Variants in ZFTA observed in about 807,000 individuals in gnomAD.
ZFTA encodes the protein zinc finger translocation-associated protein.
A neutral mutation model predicts 41.8 loss-of-function variants in ZFTA; 35 were observed. The ratio of observed to expected loss-of-function variants is 0.84; its 90% CI spans 0.64 to 1.11. The LOEUF (loss-of-function observed/expected upper bound fraction) is 1.11, where lower values mean the gene tolerates loss of function less well. Among genes scored for constraint, ZFTA ranks in the 50% most tolerant of loss-of-function variants. The pLI is 0.00. For synonymous variants in ZFTA, 514 were observed against 436.4 expected (o/e 1.18, Z -2.22); for missense variants, 964 against 989.8 (o/e 0.97, Z 0.35).
chr11:63,764,242 G>A lies in ZFTA; in HGVS notation c.1381C>T (p.Arg461Cys). Residue 461 changes from arginine (R) to cysteine (C), a missense_variant, in exon 4 of 5, where the codon CGC becomes TGC. By Grantham distance (180) the Arg-to-Cys change is radical. Around this residue, in one of 5 missense-constraint regions of ZFTA, gnomAD observed 584 missense variants for 523.1 expected, o/e 1.12. Transcript: ENST00000433688. ...MSTIERHIRR[R>C]HPGSTRLGGP... The stretch of plus-strand genomic sequence containing the variant: ...CCGAGGCGCGTGGAGCCCGGGTGGC[G>A]CCGGCGGATGTGGCGCTCGATGGTG... 2.1e-6 allele frequency: 3 copies of A among 1,449,846 alleles called. No homozygotes were observed. The highest frequency in any genetic ancestry group is 1.3e-5 in the South Asian group (1 of 74,230). 89.8% of individuals were successfully genotyped at this position (1,449,846 alleles called of 1,614,324 possible). A position where few individuals can be genotyped will look rare whatever the true frequency, so the allele number is the denominator to read the frequency against.
chr11:63,764,945 C>T lies in ZFTA; in HGVS notation c.947G>A (p.Gly316Asp), dbSNP rs752284867. ...CTGCAGCAGGGCACTGCGCTGGGGGCCGCTGAGCCCCAGGGAGCCAGGGTG... is the reference window on the plus strand; with the variant it reads ...CTGCAGCAGGGCACTGCGCTGGGGGTCGCTGAGCCCCAGGGAGCCAGGGTG... ...EVHPGSLGLS[G>D]PQRSALLQAW... is the part of the protein sequence containing the mutation. The change falls in exon 3 of 5, where the codon GGC becomes GAC. Residue 316 changes from glycine to aspartate, a missense_variant. Transcript: ENST00000433688. The T allele has an allele frequency of 6.5e-7, 1 of 1,547,438 alleles. No individual in the cohort carries two copies. Among genetic ancestry groups the T allele is most frequent in the South Asian group, 1.2e-5 (1 of 83,902 alleles).
intron 3 of ZFTA, 38 bp from the exon 4 acceptor site, chr11:63,764,636 C>T (rs1224749850): frequency 7.9e-7 from 1 of 1,263,718 alleles, no homozygotes; most frequent in Non-Finnish European, 1.0e-6. Flanking sequence ...GCTCAGCCTG[C>T]TGGCTGGGTT....
rs1274071919 is a variant in ZFTA at position 63,760,675 on chromosome 11, C to T, written c.*2743G>A. 1 of 152,232 alleles carries T rather than the reference C, an allele frequency of 6.6e-6. No homozygotes were observed. Among genetic ancestry groups the T allele is most frequent in the Non-Finnish European group, 1.5e-5 (1 of 68,046 alleles). The allele number at this position is 152,232 out of a possible 1,614,324, so 9.4% of individuals were successfully genotyped here. A position where few individuals can be genotyped will look rare whatever the true frequency, so the allele number is the denominator to read the frequency against. The stretch of plus-strand genomic sequence containing the variant: ...CAACGTCTAACCTGTGAGGCCATAA[C>T]TTCCATCAAAGCAGGAATCAATGGA... On this transcript the variant is annotated 3_prime_UTR_variant, in exon 5 of 5. Coordinates refer to ENST00000433688, the MANE Select transcript of ZFTA (RefSeq NM_001144936.2).
chr11:63,765,832 G>A lies in ZFTA; in HGVS notation c.612C>T (p.Val204=), dbSNP rs779650282. 16 of 1,490,242 alleles carry A rather than the reference G, an allele frequency of 1.1e-5. No homozygotes were observed. The highest frequency in any genetic ancestry group is 1.4e-5 in the South Asian group (1 of 73,854). 92.3% of individuals were successfully genotyped at this position (1,490,242 alleles called of 1,614,324 possible). A position where few individuals can be genotyped will look rare whatever the true frequency, so the allele number is the denominator to read the frequency against. ...EEEEEEEGAG[V]PACPPKGPGK... is the part of the protein sequence containing the mutation. ...CTGGGCCCTTGGGCGGGCAAGCTGG[G>A]ACACCGGCCCCCTCCTCCTCCTCCT... Residue 204 remains valine (V), a synonymous_variant, in exon 2 of 5, where the codon GTC becomes GTT. Transcript: ENST00000433688. The surrounding 1 kb of genome is among the most constrained non-coding windows in gnomAD (Gnocchi z 4.0).
At position 63,764,086 on chromosome 11, in the gene ZFTA, C is replaced by G; in HGVS notation, c.1537G>C (p.Gly513Arg). ...PPGTAAASDE[G>R]GGDEEEEPEE... ...GGCTCCTCCTCCTCGTCCCCTCCCC[C>G]CTCGTCGGAGGCTGCGGCAGTGCCG... Residue 513 changes from glycine to arginine, a missense_variant, in exon 4 of 5, where the codon GGG becomes CGG. Physicochemically the swap from Gly to Arg is moderately radical, Grantham distance 125. Transcript: ENST00000433688. 8.2e-6 allele frequency: 11 copies of G among 1,347,940 alleles called. No individual in the cohort carries two copies. Among genetic ancestry groups the G allele is most frequent in the Non-Finnish European group, 8.5e-6 (9 of 1,055,080 alleles). 83.5% of individuals were successfully genotyped at this position (1,347,940 alleles called of 1,614,324 possible).
chr11:63,766,904 G>T (rs916900845), intron 1 of ZFTA, among the ~76,000 whole-genome samples: 2 of 152,240 alleles, frequency 1.3e-5, no homozygotes, highest in African/African-American at 2.4e-5. Context: ...CCAAGACAAA[G>T]CTGCCAACAT....
Position 63,764,755 on chromosome 11 carries a change from C to T in ZFTA, c.1024+113G>A. On this transcript the variant is annotated intron_variant, in intron 3 of 4. Transcript: ENST00000433688. ...AGGGGGAAAGTATGTGTGTGGAGCA[C>T]CAGCTCCTGGCCTTCAGCCCTCAGC... 2.9e-6 allele frequency: 4 copies of T among 1,388,084 alleles called. No individual in the cohort carries two copies. In the Middle Eastern group the frequency reaches 7.7e-4, roughly 268 times the overall value. The allele number at this position is 1,388,084 out of a possible 1,614,324, so 86.0% of individuals were successfully genotyped here.
chr11:63,768,519 G>A lies in ZFTA; in HGVS notation c.104C>T (p.Ser35Leu). 8.3e-7 allele frequency: 1 copy of A among 1,199,850 alleles called. No individual in the cohort carries two copies. The highest frequency in any genetic ancestry group is 1.0e-6 in the Non-Finnish European group (1 of 954,852). The allele number at this position is 1,199,850 out of a possible 1,614,324, so 74.3% of individuals were successfully genotyped here. Residue 35 changes from serine (S) to leucine (L), a missense_variant, in exon 1 of 5, where the codon TCG becomes TTG. This residue lies in a region of ZFTA where 111 missense variants were observed against 93.2 expected (regional missense o/e 1.19). Transcript: ENST00000433688. ...TTCCTCTGGCTCCGCGCTGCCGCTCGATCCGGCGGGCGGCAGCCGTCGGCC... is the reference window on the plus strand; with the variant it reads ...TTCCTCTGGCTCCGCGCTGCCGCTCAATCCGGCGGGCGGCAGCCGTCGGCC... Reference protein sequence around the residue: ...ARGRRLPPAGSSGSAEPEEDE... With the variant: ...ARGRRLPPAGLSGSAEPEEDE...
At position 63,768,624 on chromosome 11, in the gene ZFTA, C is replaced by A. The variant is rs1444749087; in HGVS notation, c.-2G>T. On this transcript the variant is annotated 5_prime_UTR_variant, in exon 1 of 5. Transcript: ENST00000433688. ...CCGGTGGTCCCCGCCGGGCTCCATG[C>A]GCTGCGCTGCGGAGCGGGGCCCCGG... is the stretch of plus-strand genomic sequence containing the variant. The A allele has an allele frequency of 8.1e-6, 8 of 992,008 alleles. No homozygotes were observed. In the Admixed American group the frequency reaches 3.1e-4, roughly 39 times the overall value. 61.5% of individuals were successfully genotyped at this position (992,008 alleles called of 1,614,324 possible).
chr11:63,768,448 G>T (rs1351645685), intron 1 of ZFTA, 36 bp downstream of exon 1: 2 of 1,090,082 alleles, frequency 1.8e-6, no homozygotes, highest in Non-Finnish European at 2.2e-6. Flanking sequence ...CCCCCACGCC[G>T]GGGCCCCCGC....
Position 63,761,539 on chromosome 11 carries a change from C to G in ZFTA, c.*1879G>C, listed in dbSNP as rs535416947. The stretch of plus-strand genomic sequence containing the variant: ...CTGACAAATTTTAATAACTGACCAG[C>G]GAATTGGGAAGCAGTGTGGCATCGT... On this transcript the variant is annotated 3_prime_UTR_variant, in exon 5 of 5. Transcript: ENST00000433688. 5.8e-4 allele frequency: 88 copies of G among 152,276 alleles called. No homozygotes were observed. Among genetic ancestry groups the G allele is most frequent in the African/African-American group, 2.1e-3 (86 of 41,524 alleles). The allele number at this position is 152,276 out of a possible 1,614,324, so 9.4% of individuals were successfully genotyped here.
In ZFTA at chr11:63,768,562, C is replaced by T; in HGVS notation, c.61G>A (p.Ala21Thr). The T allele has an allele frequency of 1.8e-6, 2 of 1,095,520 alleles. No individual in the cohort carries two copies. The highest frequency in any genetic ancestry group is 3.1e-5 in the South Asian group (1 of 32,406). The allele number at this position is 1,095,520 out of a possible 1,614,324, so 67.9% of individuals were successfully genotyped here. ...CGTCGGCCCCGTGCCGAGGCCACTG[C>T]TGGCCCGGGGCCGCCCCTGCCGCCG... ...SSGGRGGPGP[A>T]VASARGRRLP... The change falls in exon 1 of 5, where the codon GCA (alanine) becomes ACA (threonine). Residue 21 changes from alanine (A) to threonine (T), a missense_variant. Transcript: ENST00000433688.
intron 4 of ZFTA, 81 bp from the exon 5 acceptor site, chr11:63,763,950 C>T: frequency 2.2e-6 from 3 of 1,354,538 alleles, no homozygotes; most frequent in Non-Finnish European, 1.9e-6. Context: ...GTCACCCCAT[C>T]TTTGCCCTTC....
Position 63,764,535 on chromosome 11 carries a change from G to T in ZFTA, c.1088C>A (p.Ala363Asp). 1 of 1,256,650 alleles carries T rather than the reference G, an allele frequency of 8.0e-7. No individual in the cohort carries two copies. The highest frequency in any genetic ancestry group is 1.0e-6 in the Non-Finnish European group (1 of 995,312). The allele number at this position is 1,256,650 out of a possible 1,614,324, so 77.8% of individuals were successfully genotyped here. The stretch of plus-strand genomic sequence containing the variant: ...GGGGCTGAGATCCTGAGAGGAGGGG[G>T]CTCCAGCAGCGGAGGCCGAGTCCCG... ...KSRDSASAAG[A>D]PSSQDLSPPD... Residue 363 changes from alanine to aspartate, a missense_variant, in exon 4 of 5, where the codon GCC (alanine) becomes GAC (aspartate). Physicochemically the swap from Ala to Asp is moderately radical, Grantham distance 126 (BLOSUM62 -2). Transcript: ENST00000433688.
intron 4 of ZFTA, 53 bp downstream of exon 4, chr11:63,763,985 C>A: frequency 1.5e-6 from 2 of 1,302,514 alleles, no homozygotes; most frequent in Non-Finnish European, 2.0e-6. Flanking sequence ...GTCCCTTCTG[C>A]CCCAGCAACT....
chr11:63,764,152 C>A lies in ZFTA; in HGVS notation c.1471G>T (p.Gly491Trp). 7.4e-7 allele frequency: 1 copy of A among 1,359,664 alleles called. No individual in the cohort carries two copies. The highest frequency in any genetic ancestry group is 9.4e-7 in the Non-Finnish European group (1 of 1,063,058). The allele number at this position is 1,359,664 out of a possible 1,614,324, so 84.2% of individuals were successfully genotyped here. ...TGGGGGGACTCGGGGCGGGGCGGCCCCAGGGCCAGCAGGTGGGCGGCCTTC... is the reference window on the plus strand; with the variant it reads ...TGGGGGGACTCGGGGCGGGGCGGCCACAGGGCCAGCAGGTGGGCGGCCTTC... ...SEKAAHLLALGPPRPESPQGP... is the reference protein window; with the variant it reads ...SEKAAHLLALWPPRPESPQGP... The change falls in exon 4 of 5, where the codon GGG (glycine) becomes TGG (tryptophan). Residue 491 changes from glycine to tryptophan, a missense_variant. Physicochemically the swap from Gly to Trp is radical, Grantham distance 184. Around this residue, in one of 5 missense-constraint regions of ZFTA, gnomAD observed 584 missense variants for 523.1 expected, o/e 1.12. Coordinates refer to ENST00000433688, the MANE Select transcript of ZFTA (RefSeq NM_001144936.2).
rs965832333 is a variant in ZFTA, at chr11:63,760,721, C to T, written c.*2697G>A. The T allele has an allele frequency of 6.6e-6, 1 of 152,260 alleles. No individual in the cohort carries two copies. Among genetic ancestry groups the T allele is most frequent in the Non-Finnish European group, 1.5e-5 (1 of 68,068 alleles). The allele number at this position is 152,260 out of a possible 1,614,324, so 9.4% of individuals were successfully genotyped here. A position where few individuals can be genotyped will look rare whatever the true frequency, so the allele number is the denominator to read the frequency against. On this transcript the variant is annotated 3_prime_UTR_variant, in exon 5 of 5. Transcript: ENST00000433688. ...ATGGAATCACTACCGCAGCCCTTCC[C>T]TTTCACTGGTGCCCGGCACTTCAGC... is the stretch of plus-strand genomic sequence containing the variant.
chr11:63,765,960 C>T lies in ZFTA; in HGVS notation c.484G>A (p.Val162Ile), dbSNP rs2135096334. The T allele has an allele frequency of 6.4e-7, 1 of 1,551,736 alleles. No individual in the cohort carries two copies. The highest frequency in any genetic ancestry group is 1.2e-5 in the South Asian group (1 of 84,064). ...SLHWSPREKE[V>I]ISNSWDAHLG... ...TGTGCATCCCAGCTGTTGCTGATGA[C>T]TTCCTTCTCCCGGGGACTCCAATGC... The change falls in exon 2 of 5, where the codon GTC (valine) becomes ATC (isoleucine). Residue 162 changes from valine to isoleucine, a missense_variant. Physicochemically the swap from Val to Ile is conservative, Grantham distance 29. Transcript: ENST00000433688. The surrounding 1 kb of genome is among the most constrained non-coding windows in gnomAD (Gnocchi z 4.0).
rs1287700172 is a variant in ZFTA at position 63,765,856 on chromosome 11, C to T, written c.588G>A (p.Glu196=). ...GAEEEEEEEE[E]EEEEGAGVPA... is the part of the protein sequence containing the mutation. ...GGACACCGGCCCCCTCCTCCTCCTCCTCTTCTTCCTCCTCCTCCTCCTCCT... is the reference window on the plus strand; with the variant it reads ...GGACACCGGCCCCCTCCTCCTCCTCTTCTTCTTCCTCCTCCTCCTCCTCCT... Residue 196 remains glutamate, a synonymous_variant, in exon 2 of 5, where the codon GAG becomes GAA. Transcript: ENST00000433688. This position sits in a 1 kb window ranked among gnomAD's most constrained non-coding sequence, Gnocchi z 4.0. The T allele has an allele frequency of 3.5e-5, 53 of 1,498,704 alleles. No individual in the cohort carries two copies. Among genetic ancestry groups the T allele is most frequent in the Admixed American group, 9.1e-5 (4 of 43,950 alleles). 92.8% of individuals were successfully genotyped at this position (1,498,704 alleles called of 1,614,324 possible).
Sources: gnomAD v4.1 joint callset for allele counts (sites outside exome capture counted in the v4.1 genomes callset) on GRCh38, gnomAD v4.1.1 for gene constraint, gnomAD v4.1.1 regional missense constraint, Gnocchi (gnomAD v3.1) non-coding constraint, MANE v1.5 for transcripts, NCBI Gene and HGNC (gene_info 2026-07-23, HGNC 2026-07-21) for gene names.